Variants in ACVR1C observed in about 807,000 individuals in gnomAD.
ACVR1C encodes the protein activin A receptor type 1C.
A neutral mutation model predicts 57.9 loss-of-function variants in ACVR1C; 23 were observed. The observed-to-expected ratio is 0.40, with a 90% confidence interval of 0.29 to 0.56. The LOEUF (loss-of-function observed/expected upper bound fraction) is 0.56. Ranked by LOEUF, ACVR1C falls within the 20% of genes least tolerant of loss-of-function variation. The probability of loss-of-function intolerance (pLI) is 0.50; values close to 1 mark genes in which losing one functional copy is unlikely to be tolerated. For synonymous variants in ACVR1C, 214 were observed against 215.3 expected, an observed-to-expected ratio of 0.99 and a Z score of 0.05; for missense variants, 480 against 607.9, an observed-to-expected ratio of 0.79 and a Z score of 2.21.
chr2:157,600,671 TAAAAG>T (rs902740287), intron 1 of ACVR1C, among the ~76,000 whole-genome samples: 1 of 152,082 alleles, frequency 6.6e-6, no homozygotes, highest in Non-Finnish European at 1.5e-5. Context: ...AATGTAGAAA[TAAAAG>T]GAAACTATCC....
chr2:157,578,985 A>C (rs1033838372), intron 2 of ACVR1C, among the ~76,000 whole-genome samples: 1 of 152,228 alleles, frequency 6.6e-6, no homozygotes, highest in African/African-American at 2.4e-5. Flanking sequence ...TATTCAATTA[A>C]ATTGATTAAC....
chr2:157,611,228 C>T (rs1682525110), intron 1 of ACVR1C, among the ~76,000 whole-genome samples: 3 of 152,160 alleles, frequency 2.0e-5, no homozygotes, highest in Admixed American at 2.0e-4. Context: ...TTGGGTAGGG[C>T]CCTTCCTCTT....
Position 157,530,863 on chromosome 2 carries a change from C to T in ACVR1C, c.*3055G>A, listed in dbSNP as rs1468542703. 1 of 152,042 alleles carries T rather than the reference C, an allele frequency of 6.6e-6. No individual in the cohort carries two copies. Among genetic ancestry groups the T allele is most frequent in the Non-Finnish European group, 1.5e-5 (1 of 67,952 alleles). 9.4% of individuals were successfully genotyped at this position (152,042 alleles called of 1,614,324 possible). A position where few individuals can be genotyped will look rare whatever the true frequency, so the allele number is the denominator to read the frequency against. On this transcript the variant is annotated 3_prime_UTR_variant, in exon 9 of 9. Transcript: ENST00000243349. Reference sequence around the variant, plus strand: ...ATTACAAACTTAAAGGCAAAATTTACAAGGCAACAAGTTCATGCTGAAATA... The same window carrying T: ...ATTACAAACTTAAAGGCAAAATTTATAAGGCAACAAGTTCATGCTGAAATA...
intron 2 of ACVR1C, among the ~76,000 whole-genome samples, chr2:157,583,948 G>C (rs971005480): frequency 6.6e-6 from 1 of 151,972 alleles, no homozygotes; most frequent in African/African-American, 2.4e-5. Flanking sequence ...TATGAATTTT[G>C]GGTAGACAAA....
intron 2 of ACVR1C, among the ~76,000 whole-genome samples, chr2:157,585,009 C>A (rs988389666): frequency 6.6e-6 from 1 of 152,100 alleles, no homozygotes; most frequent in African/African-American, 2.4e-5. Flanking sequence ...TTCATAATGA[C>A]TCCTTTCATG....
chr2:157,573,095 AGTCT>A (rs1302085665), intron 2 of ACVR1C, among the ~76,000 whole-genome samples: 1 of 152,210 alleles, frequency 6.6e-6, no homozygotes, highest in Non-Finnish European at 1.5e-5. Flanking sequence ...TCACTTTCTG[AGTCT>A]GCAATTCTTG....
intron 1 of ACVR1C, 52 bp downstream of exon 1, chr2:157,628,520 C>T: frequency 3.2e-6 from 5 of 1,576,148 alleles, no homozygotes; most frequent in Non-Finnish European, 4.3e-6. Flanking sequence ...ACCCGCAGAC[C>T]TCCTCCCAGC....
At chr2:157,601,345 A>G (rs746380467) in intron 1 of ACVR1C, among the ~76,000 whole-genome samples, 2 of 151,992 alleles carry the variant, frequency 1.3e-5, no homozygotes, top group Non-Finnish European at 2.9e-5. Context: ...AAAAAAATAA[A>G]AAAGAAGGTA....
intron 4 of ACVR1C, among the ~76,000 whole-genome samples, chr2:157,549,895 T>C (rs1474330631): frequency 6.8e-6 from 1 of 147,184 alleles, no homozygotes; most frequent in African/African-American, 2.5e-5. Context: ...CCAAGCTACT[T>C]GGGAGGCTGA....
At chr2:157,604,526 C>T (rs1435578718) in intron 1 of ACVR1C, among the ~76,000 whole-genome samples, 1 of 151,926 alleles carries the variant, frequency 6.6e-6, no homozygotes, top group Non-Finnish European at 1.5e-5. Flanking sequence ...AGAAATAAAT[C>T]TGTAATAAAC....
Position 157,554,251 on chromosome 2 carries a change from GAAA to G in ACVR1C, c.544+1839_544+1841del, listed in dbSNP as rs1558975026. Among the ~76,000 whole-genome samples the G allele has an allele frequency of 2.6e-4, 32 of 122,528 alleles. 1 individual carries two copies. The highest frequency in any genetic ancestry group is 7.3e-4 in the African/African-American group (20 of 27,406). The allele number at this position is 122,528 out of a possible 152,430, so 80.4% of individuals were successfully genotyped here. ...AGAAAGAAAGAAAGAAAGAAAGAAA[GAAA>G]GAAAGAAAGAAAGAAAGGAAGGAAG... is the stretch of plus-strand genomic sequence containing the variant. On this transcript the variant is annotated intron_variant, in intron 3 of 8. Transcript: ENST00000243349.
At chr2:157,556,013 C>A in intron 3 of ACVR1C, 80 bp downstream of exon 3, 1 of 1,451,550 alleles carries the variant, frequency 6.9e-7, no homozygotes, top group Non-Finnish European at 9.2e-7. Flanking sequence ...AATATTTGGG[C>A]CCTTTTTGTT....
At chr2:157,566,233 A>T (rs1371816607) in intron 2 of ACVR1C, among the ~76,000 whole-genome samples, 3 of 152,178 alleles carry the variant, frequency 2.0e-5, no homozygotes, top group Admixed American at 6.5e-5. Flanking sequence ...CCCATATCTC[A>T]ATCTCTCTGT....
intron 1 of ACVR1C, among the ~76,000 whole-genome samples, chr2:157,595,771 G>T (rs1682083113): frequency 6.6e-6 from 1 of 152,136 alleles, no homozygotes; most frequent in African/African-American, 2.4e-5. Flanking sequence ...TTTCACAGCT[G>T]TGATATAACA....
chr2:157,551,629 T>C (rs900677908), intron 3 of ACVR1C, among the ~76,000 whole-genome samples: 1 of 152,226 alleles, frequency 6.6e-6, no homozygotes, highest in Admixed American at 6.5e-5. Flanking sequence ...TTTCTAATTT[T>C]CCACATTTTC....
Position 157,544,437 on chromosome 2 carries a change from A to G in ACVR1C, c.943+8T>C. On this transcript the variant is annotated splice_region_variant and intron_variant, in intron 5 of 8. Transcript: ENST00000243349. Reference sequence around the variant, plus strand: ...AAAGTGGAAAAAAAATGAAAAGGAAATACATACCTTGTGTACCAACAATCT... The same window carrying G: ...AAAGTGGAAAAAAAATGAAAAGGAAGTACATACCTTGTGTACCAACAATCT... The G allele has an allele frequency of 6.2e-7, 1 of 1,601,428 alleles. No homozygotes were observed. Among genetic ancestry groups the G allele is most frequent in the South Asian group, 1.1e-5 (1 of 87,978 alleles).
chr2:157,603,253 T>C (rs1195915851), intron 1 of ACVR1C, among the ~76,000 whole-genome samples: 1 of 152,188 alleles, frequency 6.6e-6, no homozygotes, highest in Non-Finnish European at 1.5e-5. Flanking sequence ...CTAGCCTAGC[T>C]TGATGATCTT....
intron 3 of ACVR1C, among the ~76,000 whole-genome samples, chr2:157,551,941 C>A (rs903687076): frequency 9.9e-5 from 15 of 152,192 alleles, no homozygotes; most frequent in Non-Finnish European, 1.5e-4. Context: ...GAAGAAAGTT[C>A]TTTTGAAATT....
chr2:157,563,995 C>T (rs1009668537), intron 2 of ACVR1C, among the ~76,000 whole-genome samples: 19 of 152,098 alleles, frequency 1.2e-4, no homozygotes, highest in African/African-American at 3.9e-4. Context: ...AAATGTAAAA[C>T]CAAAAACCAT....
Sources: allele counts gnomAD v4.1 joint callset (sites outside exome capture counted in the v4.1 genomes callset), GRCh38; gene constraint gnomAD v4.1.1; transcripts MANE v1.5; gene names NCBI Gene and HGNC (gene_info 2026-07-23, HGNC 2026-07-21).